Variants in TLE3 observed in about 807,000 individuals in gnomAD.
TLE3 encodes transducin-like enhancer protein 3.
TLE3 carries 14 observed loss-of-function variants against 93.0 expected under a neutral mutation model. The ratio of observed to expected loss-of-function variants is 0.15; its 90% CI spans 0.10 to 0.24. The LOEUF (loss-of-function observed/expected upper bound fraction) is 0.24. TLE3 is among the 10% of genes least tolerant of loss of function. The pLI is 1.00. For synonymous variants in TLE3, 451 were observed against 425.0 expected (o/e 1.06, Z -0.75); for missense variants, 693 against 1,046.6 (o/e 0.66, Z 4.66).
rs1384641732 is a variant in TLE3, at chr15:70,074,411, G to A, written c.372+122C>T. On this transcript the variant is annotated intron_variant, in intron 6 of 19. Coordinates refer to ENST00000451782, the MANE Select transcript of TLE3 (RefSeq NM_001105192.3). ...AGCCCTTGGGGTGCTTGTAGAAGCC[G>A]GAGCCCTGGGGCCGCCATTCTTTGA... 38 of 1,267,212 alleles carry A rather than the reference G, an allele frequency of 3.0e-5. 1 individual carries two copies. The highest frequency in any genetic ancestry group is 2.8e-4 in the Admixed American group (13 of 46,714). 78.5% of individuals were successfully genotyped at this position (1,267,212 alleles called of 1,614,324 possible). A position where few individuals can be genotyped will look rare whatever the true frequency, so the allele number is the denominator to read the frequency against.
chr15:70,050,720 T>C (rs1446086566), intron 19 of TLE3: 1 of 156,302 alleles, frequency 6.4e-6, no homozygotes, highest in African/African-American at 2.4e-5. Context: ...AAGCGGCATG[T>C]TGGCTGAGGG....
chr15:70,059,490 G>A, intron 9 of TLE3, 30 bp from the exon 10 acceptor site: 1 of 1,593,900 alleles, frequency 6.3e-7, no homozygotes, highest in Non-Finnish European at 8.5e-7. Context: ...CAACTGGTCA[G>A]TAAGAGGCCA....
intron 4 of TLE3, among the ~76,000 whole-genome samples, chr15:70,078,296 T>C (rs1386649642): frequency 2.0e-5 from 3 of 152,206 alleles, no homozygotes; most frequent in African/African-American, 7.2e-5. Context: ...GAAACAAGCA[T>C]AGGCTGCAGC....
intron 4 of TLE3, among the ~76,000 whole-genome samples, chr15:70,094,193 A>C (rs1009335315): frequency 6.6e-6 from 1 of 152,160 alleles, no homozygotes; most frequent in African/African-American, 2.4e-5. Context: ...TGAGAATTTT[A>C]CATTAAAACA....
At chr15:70,050,248 G>A (rs751640358) in intron 19 of TLE3, 44 bp from the exon 20 acceptor site, 12 of 1,474,160 alleles carry the variant, frequency 8.1e-6, no homozygotes, top group South Asian at 7.9e-5. Flanking sequence ...GGCGTGGGGT[G>A]CAGGGAGAAA....
chr15:70,086,624 G>T (rs1025807887), intron 4 of TLE3, among the ~76,000 whole-genome samples: 7 of 152,210 alleles, frequency 4.6e-5, no homozygotes, highest in African/African-American at 1.4e-4. Flanking sequence ...AAACGAAAAA[G>T]AAACTTCTAT....
rs1312810691 is a variant in TLE3, at chr15:70,049,238, G to GAGAGGGCAAGAGGCAGCC, written c.*841_*858dup. ...GGAGAGACCAAGAAAGAGAGACACAGAGAGGGCAAGAGGCAGCCAGAGTGC... is the reference window on the plus strand; with the variant it reads ...GGAGAGACCAAGAAAGAGAGACACAGAGAGGGCAAGAGGCAGCCAGAGGGCAAGAGGCAGCCAGAGTGC... On this transcript the variant is annotated 3_prime_UTR_variant, in exon 20 of 20. Transcript: ENST00000451782. 1.3e-5 allele frequency: 2 copies of GAGAGGGCAAGAGGCAGCC among 152,566 alleles called. No homozygotes were observed. Among genetic ancestry groups the GAGAGGGCAAGAGGCAGCC allele is most frequent in the East Asian group, 3.9e-4 (2 of 5,180 alleles). The allele number at this position is 152,566 out of a possible 1,614,324, so 9.5% of individuals were successfully genotyped here.
intron 2 of TLE3, 66 bp downstream of exon 2, chr15:70,096,095 T>C: frequency 6.8e-7 from 1 of 1,470,506 alleles, no homozygotes. Flanking sequence ...CCGCGGGGGA[T>C]GGCAGGAGCC....
intron 2 of TLE3, chr15:70,095,952 G>C (rs2058535921): frequency 4.4e-6 from 3 of 683,752 alleles, no homozygotes; most frequent in Non-Finnish European, 7.2e-6. Flanking sequence ...CTCATTCGGG[G>C]ACCCCACGGG....
intron 13 of TLE3, 74 bp downstream of exon 13, chr15:70,057,385 G>A (rs2056140392): frequency 6.7e-7 from 1 of 1,498,664 alleles, no homozygotes; most frequent in Non-Finnish European, 9.0e-7. Flanking sequence ...TTAGCATGTG[G>A]GGAGCACCCG....
Position 70,058,795 on chromosome 15 carries a change from G to T in TLE3, c.786C>A (p.Val262=). Residue 262 remains valine (V), a synonymous_variant, in exon 11 of 20, where the codon GTC becomes GTA. Coordinates refer to ENST00000451782, the MANE Select transcript of TLE3 (RefSeq NM_001105192.3). This position sits in a 1 kb window ranked among gnomAD's most constrained non-coding sequence, Gnocchi z 4.1. ...VSNEDPATPR[V]SPAHSPPENG... ...TTTCAGGAGGGGAGTGTGCCGGGCT[G>T]ACCCGGGGCGTTGCGGGGTCCTGAA... The T allele has an allele frequency of 6.3e-7, 1 of 1,595,026 alleles. No homozygotes were observed. The highest frequency in any genetic ancestry group is 2.2e-5 in the East Asian group (1 of 44,460).
intron 7 of TLE3, 67 bp from the exon 8 acceptor site, chr15:70,064,537 A>AG: frequency 6.2e-7 from 1 of 1,609,400 alleles, no homozygotes; most frequent in Non-Finnish European, 8.5e-7. Context: ...CAAAAAAGAA[A>AG]GGAAAAAGGT....
Position 70,096,064 on chromosome 15 carries a change from G to A in TLE3, c.125+97C>T, listed in dbSNP as rs572621231. 1,748 of 1,393,252 alleles carry A rather than the reference G, an allele frequency of 1.3e-3. 1 individual carries two copies. Among genetic ancestry groups the A allele is most frequent in the Non-Finnish European group, 1.6e-3 (1,637 of 1,035,346 alleles). 86.3% of individuals were successfully genotyped at this position (1,393,252 alleles called of 1,614,324 possible). ...GGCCCGGGCTGCCCCGCCGCCCCTAGGTCGGGAGCCCCCTCCGTCCCCGCG... is the reference window on the plus strand; with the variant it reads ...GGCCCGGGCTGCCCCGCCGCCCCTAAGTCGGGAGCCCCCTCCGTCCCCGCG... On this transcript the variant is annotated intron_variant, in intron 2 of 19. Coordinates refer to ENST00000451782, the MANE Select transcript of TLE3 (RefSeq NM_001105192.3).
intron 13 of TLE3, among the ~76,000 whole-genome samples, chr15:70,056,620 A>C (rs1281519682): frequency 2.0e-5 from 3 of 152,144 alleles, no homozygotes; most frequent in Non-Finnish European, 4.4e-5. Flanking sequence ...TGCAAGGCAG[A>C]GCTGGCCCTG....
chr15:70,076,428 T>C (rs554715579), intron 4 of TLE3, among the ~76,000 whole-genome samples: 2 of 152,318 alleles, frequency 1.3e-5, no homozygotes, highest in African/African-American at 2.4e-5. Context: ...GTTCAGAATA[T>C]AGTTTGCATC....
In TLE3 at chr15:70,058,913, G is replaced by A; in HGVS notation, c.766-98C>T. 1 of 1,417,002 alleles carries A rather than the reference G, an allele frequency of 7.1e-7. No homozygotes were observed. Among genetic ancestry groups the A allele is most frequent in the Non-Finnish European group, 9.2e-7 (1 of 1,082,606 alleles). 87.8% of individuals were successfully genotyped at this position (1,417,002 alleles called of 1,614,324 possible). The stretch of plus-strand genomic sequence containing the variant: ...GGAAGAGAGAGGGCATGGGCGATGG[G>A]AAGACGAGCTTGGCTGAAAGACTGG... On this transcript the variant is annotated intron_variant, in intron 10 of 19. Transcript: ENST00000451782. This position sits in a 1 kb window ranked among gnomAD's most constrained non-coding sequence, Gnocchi z 4.1.
intron 6 of TLE3, among the ~76,000 whole-genome samples, chr15:70,070,004 T>C (rs138155594): frequency 6.6e-6 from 1 of 152,368 alleles, no homozygotes; most frequent in Non-Finnish European, 1.5e-5. Context: ...GGCAGAGAAA[T>C]GGAATCAATT....
Position 70,097,711 on chromosome 15 carries a change from C to G in TLE3, c.-913G>C. The stretch of plus-strand genomic sequence containing the variant: ...AGCCCGAGACCGGGGAGCTCTACGG[C>G]TTCCTTCCTTCCCCTCGGCCCGGCT... On this transcript the variant is annotated 5_prime_UTR_variant, in exon 1 of 20. Transcript: ENST00000451782. 3 of 396,336 alleles carry G rather than the reference C, an allele frequency of 7.6e-6. No individual in the cohort carries two copies. The highest frequency in any genetic ancestry group is 1.3e-5 in the Non-Finnish European group (3 of 224,746). 24.6% of individuals were successfully genotyped at this position (396,336 alleles called of 1,614,324 possible).
intron 4 of TLE3, among the ~76,000 whole-genome samples, chr15:70,082,998 T>C (rs887559519): frequency 2.0e-4 from 30 of 152,178 alleles, no homozygotes; most frequent in African/African-American, 7.0e-4. Context: ...CTAGCATGCA[T>C]CCAGGCAACC....
Sources: gnomAD v4.1 joint callset for allele counts (sites outside exome capture counted in the v4.1 genomes callset) on GRCh38, gnomAD v4.1.1 for gene constraint, Gnocchi (gnomAD v3.1) non-coding constraint, MANE v1.5 for transcripts, NCBI Gene and HGNC (gene_info 2026-07-23, HGNC 2026-07-21) for gene names.